NEDD4L: variants seen among roughly 807,000 people sequenced by gnomAD.
NEDD4L encodes E3 ubiquitin-protein ligase NEDD4-like.
In NEDD4L, 54 loss-of-function variants were observed where a neutral mutation model predicts 148.9. The ratio of observed to expected loss-of-function variants is 0.36; its 90% CI spans 0.29 to 0.45. The LOEUF is 0.45. NEDD4L is among the 20% of genes least tolerant of loss of function. The pLI is 1.00. For missense variants in NEDD4L, 856 were observed against 1,233.8 expected (o/e 0.69, Z 4.59); for synonymous variants, 433 against 440.7 (o/e 0.98, Z 0.22).
chr18:58,334,388 C>A (rs556736722), intron 12 of NEDD4L, among the ~76,000 whole-genome samples: 35 of 152,316 alleles, frequency 2.3e-4, no homozygotes, highest in African/African-American at 7.7e-4. Context: ...ATAATTCTTT[C>A]CAACTCTCTC....
intron 1 of NEDD4L, among the ~76,000 whole-genome samples, chr18:58,075,267 C>T (rs1316690886): frequency 6.6e-6 from 1 of 152,222 alleles, no homozygotes; most frequent in East Asian, 1.9e-4. Flanking sequence ...TCTCCCGCCT[C>T]AGCCTCCTGA....
intron 2 of NEDD4L, among the ~76,000 whole-genome samples, chr18:58,223,873 C>T (rs546642723): frequency 1.3e-5 from 2 of 152,314 alleles, no homozygotes; most frequent in African/African-American, 4.8e-5. Flanking sequence ...CAGAATTCCC[C>T]AAGGGTCACT....
At chr18:58,380,482 C>A (rs1045042147) in intron 24 of NEDD4L, among the ~76,000 whole-genome samples, 2 of 151,964 alleles carry the variant, frequency 1.3e-5, no homozygotes, top group African/African-American at 4.8e-5. Context: ...CCACTCCCAG[C>A]TAATTTTTGT....
chr18:58,217,193 T>C lies in NEDD4L; in HGVS notation c.123-28234T>C, dbSNP rs569216254. 2.0e-5 allele frequency among the ~76,000 whole-genome samples: 3 copies of C among 152,306 alleles called. No individual in the cohort carries two copies. In the South Asian group the frequency reaches 6.2e-4, roughly 32 times the overall value. On this transcript the variant is annotated intron_variant, in intron 2 of 30. Transcript: ENST00000400345. ...ATTGGAAGAAAAAGCTAACGCGAGT[T>C]AGGAGGGATTTAAGACCATGTGAGG...
intron 12 of NEDD4L, 112 bp downstream of exon 12, chr18:58,334,004 G>C: frequency 1.6e-6 from 1 of 624,978 alleles, no homozygotes. Flanking sequence ...CAATATAAAT[G>C]AGATGTTTTT....
chr18:58,165,515 T>G (rs2036738472), intron 1 of NEDD4L: 1 of 292,386 alleles, frequency 3.4e-6, no homozygotes, highest in South Asian at 1.3e-4. Flanking sequence ...AAGCTAACTT[T>G]AAATGGCAGG....
At chr18:58,124,211 C>T (rs7235725) in intron 1 of NEDD4L, among the ~76,000 whole-genome samples, 108,365 of 152,100 alleles carry the variant, frequency 0.71, 38,779 homozygotes, top group Admixed American at 0.77. Context: ...GGGTGTTCCC[C>T]GGGTGGGAGG....
chr18:58,067,634 A>G (rs1056435642), intron 1 of NEDD4L, among the ~76,000 whole-genome samples: 5 of 152,216 alleles, frequency 3.3e-5, no homozygotes, highest in Admixed American at 1.3e-4. Context: ...GAGTAGCTTA[A>G]TGGGGACTTT....
rs1478144076 is a variant in NEDD4L at position 58,330,907 on chromosome 18, C to T, written c.983C>T (p.Ser328Phe). The change falls in exon 11 of 31, where the codon TCT becomes TTT. Residue 328 changes from serine to phenylalanine, a missense_variant. Coordinates refer to ENST00000400345, the MANE Select transcript of NEDD4L (RefSeq NM_001144967.3). The part of the protein sequence containing the change: ...TPDSNGEQFS[S>F]LIQREPSSRL... Reference sequence around the variant, plus strand: ...GACTCCAATGGGGAACAGTTCAGCTCTTTGATTGTAAGTAGTGGCCTTGTT... The same window carrying T: ...GACTCCAATGGGGAACAGTTCAGCTTTTTGATTGTAAGTAGTGGCCTTGTT... The T allele has an allele frequency of 5.6e-6, 9 of 1,613,176 alleles. No homozygotes were observed. The highest frequency in any genetic ancestry group is 7.6e-6 in the Non-Finnish European group (9 of 1,179,436).
At chr18:58,344,522 A>T (rs1461909631) in intron 16 of NEDD4L, among the ~76,000 whole-genome samples, 1 of 152,182 alleles carries the variant, frequency 6.6e-6, no homozygotes, top group African/African-American at 2.4e-5. Context: ...TTCTATTTTG[A>T]AGTAAGGGAA....
In NEDD4L at chr18:58,064,199, C is replaced by T. The variant is rs186054060; in HGVS notation, c.48+19491C>T. On this transcript the variant is annotated intron_variant, in intron 1 of 30. Transcript: ENST00000400345. The stretch of plus-strand genomic sequence containing the variant: ...CAGGATGGTCTTGATCTCCTGACTT[C>T]GTGATCTGCCCGTCTCGGCTTCCCA... Among the ~76,000 whole-genome samples, 101 of 148,722 alleles carry T rather than the reference C, an allele frequency of 6.8e-4. 1 individual carries two copies. In the East Asian group the frequency reaches 0.02, roughly 29 times the overall value.
At chr18:58,045,612 A>AT (rs1452335602) in intron 1 of NEDD4L, 1 of 152,586 alleles carries the variant, frequency 6.6e-6, no homozygotes, top group Non-Finnish European at 1.5e-5. Flanking sequence ...CTCGGCTCTT[A>AT]TTGGTATGTT....
intron 1 of NEDD4L, chr18:58,046,372 T>C (rs181525247): frequency 1.7e-5 from 2 of 121,124 alleles, no homozygotes; most frequent in East Asian, 6.0e-4. Flanking sequence ...CAGACATTCC[T>C]AAACAAAGGG....
intron 5 of NEDD4L, among the ~76,000 whole-genome samples, 171 bp from the exon 6 acceptor site, chr18:58,315,811 G>GC (rs2058193118): frequency 6.6e-6 from 1 of 152,178 alleles, no homozygotes; most frequent in Admixed American, 6.5e-5. Context: ...AGGCGCACGG[G>GC]CTCCTGGTCT....
At chr18:58,288,655 G>A (rs1189413155) in intron 5 of NEDD4L, among the ~76,000 whole-genome samples, 1 of 152,170 alleles carries the variant, frequency 6.6e-6, no homozygotes, top group Non-Finnish European at 1.5e-5. Flanking sequence ...CCATGTGATG[G>A]ATGCTGACCA....
intron 5 of NEDD4L, among the ~76,000 whole-genome samples, chr18:58,291,114 A>G (rs959851586): frequency 6.6e-6 from 1 of 151,368 alleles, no homozygotes; most frequent in South Asian, 2.1e-4. Context: ...AACCAGGCCG[A>G]CCGACCCACG....
intron 13 of NEDD4L, among the ~76,000 whole-genome samples, chr18:58,336,374 G>A (rs920027953): frequency 2.6e-5 from 4 of 151,956 alleles, no homozygotes; most frequent in Admixed American, 6.6e-5. Flanking sequence ...TCAGGAGATC[G>A]AGACCATCCT....
intron 1 of NEDD4L, among the ~76,000 whole-genome samples, chr18:58,121,956 A>G (rs9966824): frequency 0.027 from 4,112 of 152,108 alleles, 154 homozygotes; most frequent in African/African-American, 0.092. Flanking sequence ...CTATGTTTTT[A>G]TAGTATTGTT....
intron 18 of NEDD4L, among the ~76,000 whole-genome samples, chr18:58,355,217 G>GA (rs1362335485): frequency 2.6e-5 from 4 of 151,914 alleles, no homozygotes; most frequent in South Asian, 2.1e-4. Flanking sequence ...ACAGTTCAGG[G>GA]AAAAAAAATG....
Sources: gnomAD v4.1 joint callset for allele counts (sites outside exome capture counted in the v4.1 genomes callset) on GRCh38, gnomAD v4.1.1 for gene constraint, MANE v1.5 for transcripts, NCBI Gene and HGNC (gene_info 2026-07-23, HGNC 2026-07-21) for gene names.